The following SLC17A1 variants were observed in gnomAD, a reference collection of about 807,000 sequenced individuals.
The protein encoded by SLC17A1 is sodium-dependent phosphate transport protein 1.
In SLC17A1, 51 loss-of-function variants were observed where a neutral mutation model predicts 53.5. That is an observed-to-expected ratio of 0.95 (90% CI 0.76 to 1.20). The LOEUF (loss-of-function observed/expected upper bound fraction) is 1.20, where lower values mean the gene tolerates loss of function less well. Among genes scored for constraint, SLC17A1 ranks in the 50% most tolerant of loss-of-function variants. The pLI, the probability that SLC17A1 is intolerant of heterozygous loss-of-function variation, is 0.00. For synonymous variants in SLC17A1, 179 were observed against 198.8 expected, an observed-to-expected ratio of 0.90 and a Z score of 0.84; for missense variants, 538 against 568.2, an observed-to-expected ratio of 0.95 and a Z score of 0.54.
the SLC17A1 span, chr6:25,768,857 C>A: frequency 1.2e-6 from 1 of 865,890 alleles, no homozygotes; most frequent in Non-Finnish European, 1.8e-6. Context: ...TACACACCTA[C>A]AGAGGAATGT....
chr6:25,779,148 T>C, downstream of SLC17A1: 1 of 1,613,916 alleles, frequency 6.2e-7, no homozygotes, highest in Non-Finnish European at 8.5e-7. Context: ...CGAGCAGATG[T>C]GCAGGACTGG....
At chr6:25,787,588 TG>T (rs1763411845) in intron 12 of SLC17A1, among the ~76,000 whole-genome samples, 1 of 152,218 alleles carries the variant, frequency 6.6e-6, no homozygotes, top group South Asian at 2.1e-4. Context: ...GTTTGTTGCC[TG>T]CTGCCTCAAA....
At chr6:25,733,086 T>C in the SLC17A1 span, among the ~76,000 whole-genome samples, 1 of 152,204 alleles carries the variant, frequency 6.6e-6, no homozygotes, top group Non-Finnish European at 1.5e-5. Flanking sequence ...TCGGTAGTAT[T>C]GACAGCAGAA....
At chr6:25,723,760 A>G in the SLC17A1 span, among the ~76,000 whole-genome samples, 60 of 152,334 alleles carry the variant, frequency 3.9e-4, no homozygotes, top group Non-Finnish European at 7.8e-4. Context: ...AGCTGAGATC[A>G]GGCCACTGCA....
chr6:25,775,676 C>T, the SLC17A1 span, among the ~76,000 whole-genome samples: 2 of 152,168 alleles, frequency 1.3e-5, no homozygotes, highest in Non-Finnish European at 2.9e-5. Context: ...GATCCTCCCA[C>T]TACAGCCTCC....
chr6:25,740,888 T>C, the SLC17A1 span, among the ~76,000 whole-genome samples: 1 of 152,144 alleles, frequency 6.6e-6, no homozygotes, highest in Non-Finnish European at 1.5e-5. Context: ...TGGGCGAACC[T>C]GGAGGATGTT....
At chr6:25,731,833 C>A in the SLC17A1 span, 1 of 1,602,248 alleles carries the variant, frequency 6.2e-7, no homozygotes, top group Non-Finnish European at 8.5e-7. Context: ...TCCGACACAA[C>A]GTGCTTGGCT....
chr6:25,770,068 C>G, the SLC17A1 span: 2 of 1,613,280 alleles, frequency 1.2e-6, no homozygotes, highest in African/African-American at 2.7e-5. Context: ...GTCATCTAGG[C>G]CCCTGCATAT....
chr6:25,819,116 C>T lies in SLC17A1; in HGVS notation c.568G>A (p.Gly190Arg). ...LGPFIVLLVT[G>R]VICESLGWPM... ...CAGCCCAGAGATTCACAGATAACTC[C>T]AGTCACAAGTAGGACAATAAAGGGT... The change falls in exon 6 of 13, where the codon GGA (glycine) becomes AGA (arginine). Residue 190 changes from glycine to arginine, a missense_variant. Gly to Arg is a moderately radical substitution (Grantham distance 125). Transcript: ENST00000244527. 1 of 1,611,068 alleles carries T rather than the reference C, an allele frequency of 6.2e-7. No individual in the cohort carries two copies. The highest frequency in any genetic ancestry group is 8.5e-7 in the Non-Finnish European group (1 of 1,178,956).
chr6:25,723,804 G>T, the SLC17A1 span, among the ~76,000 whole-genome samples: 1 of 152,032 alleles, frequency 6.6e-6, no homozygotes, highest in Non-Finnish European at 1.5e-5. Context: ...CTGTTGGGGG[G>T]GAAAATAAGT....
chr6:25,812,571 A>G (rs904901551), intron 8 of SLC17A1, among the ~76,000 whole-genome samples: 4 of 152,200 alleles, frequency 2.6e-5, no homozygotes, highest in African/African-American at 7.2e-5. Context: ...GGAGTCACAT[A>G]GTCAATGGGA....
chr6:25,749,625 C>A, the SLC17A1 span, among the ~76,000 whole-genome samples: 1 of 152,028 alleles, frequency 6.6e-6, no homozygotes, highest in African/African-American at 2.4e-5. Context: ...AATTTATAGG[C>A]AGTTCAGATC....
the SLC17A1 span, chr6:25,727,400 T>G: frequency 2.2e-6 from 1 of 456,830 alleles, no homozygotes; most frequent in Non-Finnish European, 2.9e-6. Context: ...ACCGTAAGGG[T>G]TTTTTTTTTT....
the SLC17A1 span, among the ~76,000 whole-genome samples, chr6:25,727,654 T>C: frequency 6.6e-6 from 1 of 151,996 alleles, no homozygotes; most frequent in Non-Finnish European, 1.5e-5. Context: ...CCCAAAGTGC[T>C]GGGACTACAG....
the SLC17A1 span, among the ~76,000 whole-genome samples, chr6:25,734,566 T>A: frequency 6.6e-6 from 1 of 152,142 alleles, no homozygotes; most frequent in Non-Finnish European, 1.5e-5. Context: ...CAGTTATAAG[T>A]AAATATACAC....
the SLC17A1 span, among the ~76,000 whole-genome samples, chr6:25,730,431 A>G: frequency 6.6e-6 from 1 of 152,196 alleles, no homozygotes; most frequent in Non-Finnish European, 1.5e-5. Context: ...GTATGATCTC[A>G]TAAGTGGAAT....
intron 10 of SLC17A1, among the ~76,000 whole-genome samples, chr6:25,805,449 T>C (rs951067250): frequency 6.6e-6 from 1 of 151,688 alleles, no homozygotes; most frequent in Non-Finnish European, 1.5e-5. Flanking sequence ...GACAACCTAA[T>C]GTCACACCTC....
At chr6:25,803,096 A>G (rs1365157311) in intron 10 of SLC17A1, among the ~76,000 whole-genome samples, 1 of 150,872 alleles carries the variant, frequency 6.6e-6, no homozygotes, top group African/African-American at 2.4e-5. Flanking sequence ...ACAGGCGCCC[A>G]CCACCATGCC....
At chr6:25,804,211 A>C (rs961178942) in intron 10 of SLC17A1, among the ~76,000 whole-genome samples, 1 of 152,186 alleles carries the variant, frequency 6.6e-6, no homozygotes, top group African/African-American at 2.4e-5. Flanking sequence ...AAACCTTACA[A>C]GCCAGAAGGG....
Sources: allele counts gnomAD v4.1 joint callset (sites outside exome capture counted in the v4.1 genomes callset), GRCh38; gene constraint gnomAD v4.1.1; transcripts MANE v1.5; gene names NCBI Gene and HGNC (gene_info 2026-07-23, HGNC 2026-07-21).